The following TEAD1 variants were observed in gnomAD, a reference collection of about 807,000 sequenced individuals.
TEAD1 encodes transcriptional enhancer factor TEF-1.
In TEAD1, 9 loss-of-function variants were observed where a neutral mutation model predicts 54.9. That is an observed-to-expected ratio of 0.16 (90% CI 0.10 to 0.29). TEAD1 has a LOEUF of 0.29. TEAD1 is among the 10% of genes least tolerant of loss of function. The pLI is 1.00. For missense variants in TEAD1, 387 were observed against 535.9 expected (o/e 0.72, Z 2.74); for synonymous variants, 200 against 187.8 (o/e 1.07, Z -0.53).
intron 3 of TEAD1, among the ~76,000 whole-genome samples, chr11:12,833,999 T>C (rs1424363081): frequency 6.6e-6 from 1 of 152,192 alleles, no homozygotes; most frequent in Non-Finnish European, 1.5e-5. Flanking sequence ...TTAATAAATG[T>C]TTATGGAATT....
chr11:12,884,966 C>T (rs1948056692), intron 9 of TEAD1, among the ~76,000 whole-genome samples: 1 of 152,192 alleles, frequency 6.6e-6, no homozygotes, highest in Non-Finnish European at 1.5e-5. Flanking sequence ...CCTCTTGTAA[C>T]TGGTGTTTCC....
At chr11:12,863,967 CT>C (rs1252423812) in intron 4 of TEAD1, among the ~76,000 whole-genome samples, 1 of 151,952 alleles carries the variant, frequency 6.6e-6, no homozygotes, top group Non-Finnish European at 1.5e-5. Context: ...AACAGGATGG[CT>C]GGCTGGCTGT....
intron 2 of TEAD1, among the ~76,000 whole-genome samples, chr11:12,712,674 C>G (rs1943965866): frequency 6.6e-6 from 1 of 152,218 alleles, no homozygotes; most frequent in Non-Finnish European, 1.5e-5. Flanking sequence ...ACCATTCTTT[C>G]TGCCCTTGGG....
intron 2 of TEAD1, among the ~76,000 whole-genome samples, chr11:12,717,408 A>G (rs894578885): frequency 2.6e-5 from 4 of 152,212 alleles, no homozygotes; most frequent in Admixed American, 6.5e-5. Context: ...TTATGGATAG[A>G]AGATGTGCTG....
chr11:12,909,047 C>T (rs1361087209), intron 10 of TEAD1, among the ~76,000 whole-genome samples: 1 of 152,012 alleles, frequency 6.6e-6, no homozygotes, highest in Non-Finnish European at 1.5e-5. Flanking sequence ...CTTCATCAGC[C>T]TTGACTGGTG....
chr11:12,820,720 A>G, intron 3 of TEAD1, among the ~76,000 whole-genome samples: 1 of 151,592 alleles, frequency 6.6e-6, no homozygotes, highest in South Asian at 2.1e-4. Flanking sequence ...CGGACAAAGA[A>G]AAACCCTTGG....
intron 2 of TEAD1, among the ~76,000 whole-genome samples, chr11:12,702,924 C>T (rs1227625152): frequency 2.0e-5 from 3 of 152,140 alleles, no homozygotes; most frequent in Non-Finnish European, 4.4e-5. Flanking sequence ...TAATATCAGC[C>T]TCATTTAATG....
intron 2 of TEAD1, among the ~76,000 whole-genome samples, chr11:12,684,036 CT>C: frequency 6.6e-6 from 1 of 152,272 alleles, no homozygotes; most frequent in South Asian, 2.1e-4. Flanking sequence ...CATAATAGAT[CT>C]TTAAGGATTT....
Position 12,870,454 on chromosome 11 carries a change from G to A in TEAD1, c.330+5554G>A, listed in dbSNP as rs373550276. Reference sequence around the variant, plus strand: ...TCAGTAGACTGAAGCTGAGATTCAAGAGCTCGGTAAGATGGAAAAAAGAAA... The same window carrying A: ...TCAGTAGACTGAAGCTGAGATTCAAAAGCTCGGTAAGATGGAAAAAAGAAA... On this transcript the variant is annotated intron_variant, in intron 5 of 12. Transcript: ENST00000527636. Among the ~76,000 whole-genome samples the A allele has an allele frequency of 1.8e-3, 276 of 151,680 alleles. 10 individuals carry two copies. In the South Asian group the frequency reaches 0.056, roughly 31 times the overall value.
chr11:12,865,983 A>C lies in TEAD1; in HGVS notation c.330+1083A>C, dbSNP rs559186793. 5.9e-5 allele frequency among the ~76,000 whole-genome samples: 9 copies of C among 151,292 alleles called. No individual in the cohort carries two copies. The East Asian group carries it at 1.8e-3, about 30-fold the overall frequency. On this transcript the variant is annotated intron_variant, in intron 5 of 12. Coordinates refer to ENST00000527636, the MANE Select transcript of TEAD1 (RefSeq NM_021961.6). ...TGGTGAGCACTGGGACTCTTCCCAA[A>C]GTCCTTCGACTTTTTTTTATGCAAA...
intron 10 of TEAD1, among the ~76,000 whole-genome samples, chr11:12,921,020 C>T (rs898954842): frequency 9.9e-5 from 15 of 152,160 alleles, no homozygotes; most frequent in East Asian, 1.9e-4. Context: ...ATATGTTTAA[C>T]GCAAGGTTTT....
chr11:12,760,970 T>C (rs1945091400), intron 2 of TEAD1, among the ~76,000 whole-genome samples: 1 of 152,228 alleles, frequency 6.6e-6, no homozygotes, highest in South Asian at 2.1e-4. Context: ...CTGTGGATTA[T>C]GTATCTGGTA....
In TEAD1 at chr11:12,938,415, T is replaced by C. The variant is rs1235322543; in HGVS notation, c.*1193T>C. 6.6e-6 allele frequency: 1 copy of C among 152,548 alleles called. No individual in the cohort carries two copies. Among genetic ancestry groups the C allele is most frequent in the Non-Finnish European group, 1.5e-5 (1 of 68,046 alleles). 9.4% of individuals were successfully genotyped at this position (152,548 alleles called of 1,614,324 possible). A position where few individuals can be genotyped will look rare whatever the true frequency, so the allele number is the denominator to read the frequency against. On this transcript the variant is annotated 3_prime_UTR_variant, in exon 13 of 13. Coordinates refer to ENST00000527636, the MANE Select transcript of TEAD1 (RefSeq NM_021961.6). ...TTAACCTGCTATAACTAGGGCTATA[T>C]GTGTAGGTATGTGTATACATATACA... is the stretch of plus-strand genomic sequence containing the variant.
At chr11:12,713,447 C>T (rs1321083688) in intron 2 of TEAD1, among the ~76,000 whole-genome samples, 4 of 152,184 alleles carry the variant, frequency 2.6e-5, no homozygotes, top group African/African-American at 7.2e-5. Flanking sequence ...AAATGCAAAT[C>T]TATTCAAAAC....
chr11:12,727,367 G>T (rs1006726363), intron 2 of TEAD1, among the ~76,000 whole-genome samples: 3 of 152,192 alleles, frequency 2.0e-5, no homozygotes, highest in African/African-American at 7.2e-5. Flanking sequence ...GGGGGTTTTA[G>T]AATGAAGAGC....
chr11:12,907,170 GT>G (rs1258339979), intron 10 of TEAD1, among the ~76,000 whole-genome samples: 1 of 152,076 alleles, frequency 6.6e-6, no homozygotes, highest in Non-Finnish European at 1.5e-5. Flanking sequence ...AAGTATTGGG[GT>G]ACAGATTACA....
At chr11:12,924,829 A>G in intron 10 of TEAD1, 83 bp from the exon 11 acceptor site, 1 of 1,535,380 alleles carries the variant, frequency 6.5e-7, no homozygotes. Context: ...AGCCAAGCAG[A>G]GGTCTTACCC....
At chr11:12,853,291 G>A (rs1331664793) in intron 3 of TEAD1, among the ~76,000 whole-genome samples, 3 of 152,122 alleles carry the variant, frequency 2.0e-5, no homozygotes, top group Non-Finnish European at 4.4e-5. Flanking sequence ...AATTGTGGTG[G>A]TGGTCGTGGT....
intron 2 of TEAD1, among the ~76,000 whole-genome samples, chr11:12,759,445 TAG>T (rs767151579): frequency 5.9e-5 from 9 of 152,182 alleles, no homozygotes; most frequent in Non-Finnish European, 1.2e-4. Context: ...TTTGGATTCA[TAG>T]AGTTTGTTTT....
Sources: gnomAD v4.1 joint callset for allele counts (sites outside exome capture counted in the v4.1 genomes callset) on GRCh38, gnomAD v4.1.1 for gene constraint, MANE v1.5 for transcripts, NCBI Gene and HGNC (gene_info 2026-07-23, HGNC 2026-07-21) for gene names.